The following POLE variants were observed in gnomAD, a reference collection of about 807,000 sequenced individuals.
POLE encodes the protein DNA polymerase epsilon, catalytic subunit, also known as DNA polymerase epsilon catalytic subunit A.
In POLE, 188 loss-of-function variants were observed where a neutral mutation model predicts 279.2. The ratio of observed to expected loss-of-function variants is 0.67; its 90% confidence interval spans 0.60 to 0.76. POLE has a LOEUF of 0.76. Among genes scored for constraint, POLE ranks in the 30% least tolerant of loss-of-function variants. POLE has a pLI of 0.00. For synonymous variants in POLE, 1,214 were observed against 1,172.5 expected, an observed-to-expected ratio of 1.04 and a Z score of -0.72; for missense variants, 2,703 against 3,016.7, an observed-to-expected ratio of 0.90 and a Z score of 2.44.
chr12:132,673,802 G>T, intron 12 of POLE, 95 bp from the exon 13 acceptor site: 3 of 1,470,318 alleles, frequency 2.0e-6, no homozygotes, highest in Non-Finnish European at 2.8e-6. Flanking sequence ...ACAGACAGAT[G>T]CAAGTTCCTA....
At chr12:132,656,459 C>G (rs1029781192) in intron 29 of POLE, among the ~76,000 whole-genome samples, 9 of 151,896 alleles carry the variant, frequency 5.9e-5, no homozygotes, top group East Asian at 2.0e-4. Context: ...CCCGGGTTCA[C>G]GCTGTTCTCC....
At chr12:132,640,943 C>A (rs1421298270) in intron 39 of POLE, 4 of 456,162 alleles carry the variant, frequency 8.8e-6, no homozygotes, top group Non-Finnish European at 1.8e-5. Context: ...TCCCTCTCCC[C>A]TTTTGTATGG....
At position 132,672,746 on chromosome 12, in the gene POLE, C is replaced by G. The variant is rs1275423655; in HGVS notation, c.1567G>C (p.Glu523Gln). 1 of 1,614,106 alleles carries G rather than the reference C, an allele frequency of 6.2e-7. No individual in the cohort carries two copies. The highest frequency in any genetic ancestry group is 1.3e-5 in the African/African-American group (1 of 74,956). The change falls in exon 15 of 49, where the codon GAG becomes CAG. Residue 523 changes from glutamate to glutamine, a missense_variant. By Grantham distance (29) the Glu-to-Gln change is conservative (BLOSUM62 2). Around this residue, in one of 5 missense-constraint regions of POLE, gnomAD observed 1,011 missense variants for 1,111.7 expected, o/e 0.91. Coordinates refer to ENST00000320574, the MANE Select transcript of POLE (RefSeq NM_006231.4). ...CCGTCGTCCGTCAGCTTATTGAACT[C>G]CTGCTCTTGCTTGTTGGGGAAGATG... ...NIIFPNKQEQ[E>Q]FNKLTDDGHV...
chr12:132,669,772 G>A (rs1025289103), intron 16 of POLE, among the ~76,000 whole-genome samples: 1 of 152,212 alleles, frequency 6.6e-6, no homozygotes. Context: ...ACACCACCTG[G>A]ACATGCCCCA....
chr12:132,634,122 A>C lies in POLE; in HGVS notation c.6004+64T>G. On this transcript the variant is annotated intron_variant, in intron 43 of 48. Coordinates refer to ENST00000320574, the MANE Select transcript of POLE (RefSeq NM_006231.4). This position sits in a 1 kb window ranked among gnomAD's most constrained non-coding sequence, Gnocchi z 4.0. ...CCTTCTTGCGATACCATGGCACAGG[A>C]GCCACATCTACTAACCATGAGTCCC... The C allele has an allele frequency of 1.4e-6, 2 of 1,381,804 alleles. No individual in the cohort carries two copies. Among genetic ancestry groups the C allele is most frequent in the Non-Finnish European group, 2.0e-6 (2 of 997,290 alleles). 85.6% of individuals were successfully genotyped at this position (1,381,804 alleles called of 1,614,324 possible).
chr12:132,673,861 T>G (rs2042986175), intron 12 of POLE, among the ~76,000 whole-genome samples, 154 bp from the exon 13 acceptor site: 1 of 152,154 alleles, frequency 6.6e-6, no homozygotes, highest in South Asian at 2.1e-4. Context: ...TGTAGACACC[T>G]TGTGAAAACC....
At chr12:132,679,890 C>A in intron 5 of POLE, 64 bp downstream of exon 5, 1 of 1,246,704 alleles carries the variant, frequency 8.0e-7, no homozygotes, top group Non-Finnish European at 1.1e-6. Flanking sequence ...CTTCCGATCC[C>A]ACCTGCCAGG....
chr12:132,668,968 C>G lies in POLE; in HGVS notation c.1795-29G>C. On this transcript the variant is annotated intron_variant, in intron 16 of 48. Coordinates refer to ENST00000320574, the MANE Select transcript of POLE (RefSeq NM_006231.4). This position sits in a 1 kb window ranked among gnomAD's most constrained non-coding sequence, Gnocchi z 4.0. The stretch of plus-strand genomic sequence containing the variant: ...CAGAGAAAGCGAAACTCAGTAGAGG[C>G]TGGTGACCAAGCTTGCCTCGTGTGC... 5.0e-6 allele frequency: 8 copies of G among 1,606,392 alleles called. No individual in the cohort carries two copies. Among genetic ancestry groups the G allele is most frequent in the Non-Finnish European group, 6.8e-6 (8 of 1,174,272 alleles).
In POLE at chr12:132,626,275, G is replaced by A. The variant is rs1312486717; in HGVS notation, c.6373C>T (p.Leu2125=). Residue 2125 remains leucine, a synonymous_variant, in exon 46 of 49, where the codon CTG becomes TTG. Coordinates refer to ENST00000320574, the MANE Select transcript of POLE (RefSeq NM_006231.4). ...ACCAGGCGAAGCAGGTCTCGGTTCA[G>A]CTTATTCACCTGGTTTGTGATGTTG... ...DTNITNQVNK[L]NRDLLRLVDV... is the part of the protein sequence containing the mutation. 2 of 1,613,770 alleles carry A rather than the reference G, an allele frequency of 1.2e-6. No individual in the cohort carries two copies. Among genetic ancestry groups the A allele is most frequent in the Non-Finnish European group, 1.7e-6 (2 of 1,180,046 alleles).
chr12:132,647,306 GAAACAAAAAAGTT>G (rs1031914722), intron 32 of POLE, among the ~76,000 whole-genome samples: 17 of 151,272 alleles, frequency 1.1e-4, no homozygotes, highest in Admixed American at 1.1e-3. Flanking sequence ...CTCAAAAACA[GAAACAAAAAAGTT>G]AAACAAAAAT....
chr12:132,656,514 A>G (rs949803998), intron 29 of POLE, among the ~76,000 whole-genome samples: 5 of 151,776 alleles, frequency 3.3e-5, no homozygotes, highest in African/African-American at 1.2e-4. Flanking sequence ...GCCCACCACT[A>G]CGCCTGGCTA....
intron 19 of POLE, 72 bp from the exon 20 acceptor site, chr12:132,667,720 T>C (rs2135972046): frequency 6.6e-7 from 1 of 1,512,968 alleles, no homozygotes; most frequent in East Asian, 2.3e-5. Context: ...GGCACAGGGG[T>C]GCTGAAGAAC....
chr12:132,682,664 G>T (rs2043194514), intron 1 of POLE, among the ~76,000 whole-genome samples: 1 of 152,026 alleles, frequency 6.6e-6, no homozygotes, highest in African/African-American at 2.4e-5. Context: ...TCAAAAAAAG[G>T]TTGAGGGCCA....
At chr12:132,625,431 C>T (rs1363308514) in intron 47 of POLE, 2 of 769,146 alleles carry the variant, frequency 2.6e-6, no homozygotes, top group South Asian at 2.7e-5. Context: ...TAGAACGAAG[C>T]ACCCACAAGG....
chr12:132,631,899 G>A (rs5745034), intron 45 of POLE, among the ~76,000 whole-genome samples: 8,547 of 152,172 alleles, frequency 0.056, 332 homozygotes, highest in Non-Finnish European at 0.082. Flanking sequence ...CAGCACCTGC[G>A]CCTCTGAACG....
intron 2 of POLE, 50 bp from the exon 3 acceptor site, chr12:132,680,737 A>G (rs2043149533): frequency 7.0e-7 from 1 of 1,430,186 alleles, no homozygotes; most frequent in Non-Finnish European, 9.9e-7. Flanking sequence ...CTACACAGTT[A>G]GAGAAACTTT....
At chr12:132,625,878 C>A in intron 46 of POLE, 108 bp from the exon 47 acceptor site, 1 of 1,463,602 alleles carries the variant, frequency 6.8e-7, no homozygotes, top group African/African-American at 1.4e-5. Context: ...TGGTGACGGG[C>A]GAGTCTCCTG....
chr12:132,634,087 T>G lies in POLE; in HGVS notation c.6004+99A>C. On this transcript the variant is annotated intron_variant, in intron 43 of 48. Transcript: ENST00000320574. The surrounding 1 kb of genome is among the most constrained non-coding windows in gnomAD (Gnocchi z 4.0). Reference sequence around the variant, plus strand: ...GGGCAGGCTCCGCCCGATCTGATTTTCCCTGTCTCCCTTCTTGCGATACCA... The same window carrying G: ...GGGCAGGCTCCGCCCGATCTGATTTGCCCTGTCTCCCTTCTTGCGATACCA... The G allele has an allele frequency of 8.9e-7, 1 of 1,124,924 alleles. No homozygotes were observed. Among genetic ancestry groups the G allele is most frequent in the Non-Finnish European group, 1.3e-6 (1 of 777,560 alleles). 69.7% of individuals were successfully genotyped at this position (1,124,924 alleles called of 1,614,324 possible). A position where few individuals can be genotyped will look rare whatever the true frequency, so the allele number is the denominator to read the frequency against.
In POLE at chr12:132,642,609, T is replaced by A. The variant is rs1420402052; in HGVS notation, c.4849A>T (p.Ile1617Phe). 6.2e-7 allele frequency: 1 copy of A among 1,613,502 alleles called. No homozygotes were observed. ...TGCCAGTCCAGGACCCCATAGTTGA[T>A]CTTGTCAGCCACACAGATAGGCACC... The part of the protein sequence containing the change: ...PLVPICVADK[I>F]NYGVLDWQRH... The change falls in exon 37 of 49, where the codon ATC becomes TTC. Residue 1617 changes from isoleucine to phenylalanine, a missense_variant. This residue lies in a region of POLE where 1,551 missense variants were observed against 1,686.1 expected (regional missense o/e 0.92). Coordinates refer to ENST00000320574, the MANE Select transcript of POLE (RefSeq NM_006231.4).
Sources: allele counts gnomAD v4.1 joint callset (sites outside exome capture counted in the v4.1 genomes callset), GRCh38; gene constraint gnomAD v4.1.1; regional missense constraint gnomAD v4.1.1; non-coding constraint Gnocchi (gnomAD v3.1); transcripts MANE v1.5; gene names NCBI Gene and HGNC (gene_info 2026-07-23, HGNC 2026-07-21).